ERCC6L2: variants seen among roughly 807,000 people sequenced by gnomAD.
ERCC6L2 encodes ERCC excision repair 6 like 2.
ERCC6L2 carries 77 observed loss-of-function variants against 132.0 expected under a neutral mutation model. That is an observed-to-expected ratio of 0.58 (90% CI 0.49 to 0.71). The LOEUF (loss-of-function observed/expected upper bound fraction) is 0.71. Ranked by LOEUF, ERCC6L2 falls within the 30% of genes least tolerant of loss-of-function variation. The pLI is 0.00. For missense variants in ERCC6L2, 1,542 were observed against 1,837.6 expected (o/e 0.84, Z 2.94); for synonymous variants, 583 against 632.4 (o/e 0.92, Z 1.17).
chr9:95,962,897 T>C (rs2133034985), intron 13 of ERCC6L2, among the ~76,000 whole-genome samples: 1 of 152,268 alleles, frequency 6.6e-6, no homozygotes, highest in African/African-American at 2.4e-5. Flanking sequence ...TATAAATAGC[T>C]TTAACTTCAT....
chr9:95,960,716 G>A (rs1831861565), intron 13 of ERCC6L2, among the ~76,000 whole-genome samples: 1 of 152,102 alleles, frequency 6.6e-6, no homozygotes, highest in Admixed American at 6.6e-5. Context: ...CTGGCTCCCA[G>A]AACTGTGAGA....
At chr9:95,907,322 T>A in intron 4 of ERCC6L2, 51 bp downstream of exon 4, 2 of 955,652 alleles carry the variant, frequency 2.1e-6, no homozygotes, top group Non-Finnish European at 3.0e-6. Context: ...TCTACTTACA[T>A]CCCTTTATAT....
chr9:95,941,803 G>A (rs143809969), intron 12 of ERCC6L2, among the ~76,000 whole-genome samples: 40 of 152,216 alleles, frequency 2.6e-4, no homozygotes, highest in African/African-American at 8.9e-4. Context: ...AATACTGTAG[G>A]AAAATAGGAT....
intron 4 of ERCC6L2, among the ~76,000 whole-genome samples, chr9:95,909,809 T>C (rs111941408): frequency 0.024 from 3,588 of 152,250 alleles, 127 homozygotes; most frequent in African/African-American, 0.072. Context: ...TCTCTTGGAG[T>C]AGAATTACTG....
At chr9:95,932,855 A>C (rs1830399527) in intron 11 of ERCC6L2, among the ~76,000 whole-genome samples, 2 of 152,222 alleles carry the variant, frequency 1.3e-5, no homozygotes, top group African/African-American at 4.8e-5. Context: ...ACCAGTCCTC[A>C]GTTCGAAAAG....
At chr9:96,002,842 A>T (rs573864429) in intron 17 of ERCC6L2, among the ~76,000 whole-genome samples, 1 of 151,990 alleles carries the variant, frequency 6.6e-6, no homozygotes, top group Non-Finnish European at 1.5e-5. Context: ...CATTTTTCCT[A>T]CTAGGGATTC....
intron 4 of ERCC6L2, among the ~76,000 whole-genome samples, chr9:95,914,370 T>C (rs1829478691): frequency 6.6e-6 from 1 of 152,192 alleles, no homozygotes; most frequent in South Asian, 2.1e-4. Flanking sequence ...AATTTTTTTT[T>C]TTGAGACGGA....
chr9:96,009,210 G>A (rs752686936), intron 18 of ERCC6L2, among the ~76,000 whole-genome samples: 7 of 152,238 alleles, frequency 4.6e-5, no homozygotes, highest in Non-Finnish European at 1.0e-4. Context: ...TGGGCAGAGC[G>A]ATGACAGACT....
chr9:95,973,570 A>G (rs1832528079), intron 16 of ERCC6L2, among the ~76,000 whole-genome samples: 1 of 152,150 alleles, frequency 6.6e-6, no homozygotes, highest in Non-Finnish European at 1.5e-5. Context: ...GTGGCAGGAA[A>G]AGAGAGAGAG....
chr9:95,924,412 A>G (rs948725105), intron 9 of ERCC6L2, among the ~76,000 whole-genome samples: 2 of 152,136 alleles, frequency 1.3e-5, no homozygotes, highest in East Asian at 3.8e-4. Flanking sequence ...AAATAATTCA[A>G]ATCTAATGAT....
intron 11 of ERCC6L2, among the ~76,000 whole-genome samples, chr9:95,932,220 C>G (rs1226180888): frequency 6.6e-6 from 1 of 151,974 alleles, no homozygotes; most frequent in Non-Finnish European, 1.5e-5. Context: ...CCTGTGCCAC[C>G]CCACCCAGCT....
At chr9:96,003,699 G>A (rs145783484) in intron 17 of ERCC6L2, among the ~76,000 whole-genome samples, 481 of 152,330 alleles carry the variant, frequency 3.2e-3, no homozygotes, top group African/African-American at 0.011. Context: ...TAGGGCTGCT[G>A]AGCTTCAGCT....
rs368120641 is a variant in ERCC6L2, at chr9:95,877,339, C to CTT, written c.46+1266_46+1267dup. 1.8e-3 allele frequency among the ~76,000 whole-genome samples: 260 copies of CTT among 144,236 alleles called. 3 individuals are homozygous for CTT. The highest frequency in any genetic ancestry group is 7.1e-3 in the Middle Eastern group (2 of 280). The allele number at this position is 144,236 out of a possible 152,430, so 94.6% of individuals were successfully genotyped here. The stretch of plus-strand genomic sequence containing the variant: ...AATAAGTTGTGTGATTCCCTTAAGG[C>CTT]TTTTTTTTTTTTGCACATGCTGTAC... On this transcript the variant is annotated intron_variant, in intron 1 of 18. Transcript: ENST00000653738.
downstream of ERCC6L2, among the ~76,000 whole-genome samples, chr9:96,022,207 C>T (rs1675453208): frequency 6.6e-6 from 1 of 152,242 alleles, no homozygotes; most frequent in Admixed American, 6.5e-5. Context: ...CCCCGGGTTC[C>T]GAGGCTCTGG....
In ERCC6L2 at chr9:96,018,059, G is replaced by A. The variant is rs1834218730; in HGVS notation, c.*4856G>A. Among the ~76,000 whole-genome samples the A allele has an allele frequency of 6.6e-6, 1 of 152,196 alleles. No homozygotes were observed. The highest frequency in any genetic ancestry group is 6.5e-5 in the Admixed American group (1 of 15,276). The stretch of plus-strand genomic sequence containing the variant: ...TAGTCAGATTCATAGAGACAAAGTA[G>A]AATGGTGGTTGCTAGACGCTGGAGG... On this transcript the variant is annotated 3_prime_UTR_variant, in exon 19 of 19. Transcript: ENST00000653738.
intron 4 of ERCC6L2, among the ~76,000 whole-genome samples, chr9:95,907,857 C>CACACACACACACACACACACA: frequency 7.2e-4 from 97 of 133,816 alleles, no homozygotes; most frequent in African/African-American, 1.6e-3. Flanking sequence ...ACACACACAC[C>CACACACACACACACACACACA]CCCACACCCA....
chr9:95,943,763 C>CACT (rs1418286549), intron 12 of ERCC6L2, among the ~76,000 whole-genome samples: 1 of 152,150 alleles, frequency 6.6e-6, no homozygotes, highest in Non-Finnish European at 1.5e-5. Context: ...TGCTCAGCAT[C>CACT]ACTAATCATT....
intron 2 of ERCC6L2, among the ~76,000 whole-genome samples, chr9:95,882,795 G>A (rs1266757849): frequency 6.6e-6 from 1 of 152,182 alleles, no homozygotes; most frequent in Admixed American, 6.5e-5. Context: ...CCTAGGCAGT[G>A]CAGATAGTTT....
rs1219837581 is a variant in ERCC6L2 at position 95,876,037 on chromosome 9, G to C, written c.-2G>C. Reference sequence around the variant, plus strand: ...CCGGGCTCGGCCCCTCCCCCTGGCCGGATGGATCCGTCGGCGCCACAGCCC... The same window carrying C: ...CCGGGCTCGGCCCCTCCCCCTGGCCCGATGGATCCGTCGGCGCCACAGCCC... On this transcript the variant is annotated 5_prime_UTR_variant, in exon 1 of 19. Coordinates refer to ENST00000653738, the MANE Select transcript of ERCC6L2 (RefSeq NM_020207.7). 1.3e-6 allele frequency: 2 copies of C among 1,589,008 alleles called. No individual in the cohort carries two copies. Among genetic ancestry groups the C allele is most frequent in the Non-Finnish European group, 8.6e-7 (1 of 1,168,614 alleles).
Sources: gnomAD v4.1 joint callset for allele counts (sites outside exome capture counted in the v4.1 genomes callset) on GRCh38, gnomAD v4.1.1 for gene constraint, MANE v1.5 for transcripts, NCBI Gene and HGNC (gene_info 2026-07-23, HGNC 2026-07-21) for gene names.